Variants in RAD21 observed in about 807,000 individuals in gnomAD.
RAD21 encodes RAD21 cohesin complex component.
A neutral mutation model predicts 71.5 loss-of-function variants in RAD21; 18 were observed. That is an observed-to-expected ratio of 0.25 (90% CI 0.17 to 0.37). RAD21 has a LOEUF of 0.37. Ranked by LOEUF, RAD21 falls within the 10% of genes least tolerant of loss-of-function variation. The pLI is 1.00. For missense variants in RAD21, 493 were observed against 769.1 expected (o/e 0.64, Z 4.25); for synonymous variants, 248 against 254.0 (o/e 0.98, Z 0.22).
chr8:116,852,481 T>C (rs1298298658), intron 10 of RAD21, 68 bp downstream of exon 10: 1 of 1,446,340 alleles, frequency 6.9e-7, no homozygotes, highest in Non-Finnish European at 9.3e-7. Flanking sequence ...ACTCTGACAG[T>C]ATAAAGGTAA....
intron 8 of RAD21, among the ~76,000 whole-genome samples, chr8:116,855,026 A>C (rs961408195): frequency 6.6e-6 from 1 of 152,214 alleles, no homozygotes; most frequent in Non-Finnish European, 1.5e-5. Flanking sequence ...ACTTACAAGT[A>C]GGTTGTATTG....
intron 1 of RAD21, among the ~76,000 whole-genome samples, chr8:116,868,040 T>G (rs1812733330): frequency 1.3e-5 from 2 of 152,164 alleles, no homozygotes; most frequent in Admixed American, 1.3e-4. Context: ...ATTTCTAATT[T>G]TGTCACTTTT....
chr8:116,872,777 AC>A (rs1812858102), intron 1 of RAD21, among the ~76,000 whole-genome samples: 3 of 152,210 alleles, frequency 2.0e-5, no homozygotes, highest in Admixed American at 2.0e-4. Context: ...TCAGATCAGA[AC>A]GGAGCTACCT....
intron 2 of RAD21, among the ~76,000 whole-genome samples, chr8:116,865,933 A>G (rs560120997): frequency 2.0e-5 from 3 of 152,330 alleles, no homozygotes; most frequent in Non-Finnish European, 2.9e-5. Flanking sequence ...CGATAAACTT[A>G]TATTAACACA....
chr8:116,853,325 CGCCTCA>C (rs1812395877), intron 9 of RAD21, among the ~76,000 whole-genome samples: 1 of 152,130 alleles, frequency 6.6e-6, no homozygotes, highest in Admixed American at 6.5e-5. Context: ...GTGATCCACT[CGCCTCA>C]GCCTCCCAAA....
chr8:116,873,625 GC>G (rs1414522642), intron 1 of RAD21, among the ~76,000 whole-genome samples: 1 of 145,388 alleles, frequency 6.9e-6, no homozygotes, highest in Non-Finnish European at 1.5e-5. Flanking sequence ...GAAACTCTTC[GC>G]ACAAACGCTG....
intron 1 of RAD21, among the ~76,000 whole-genome samples, chr8:116,870,063 C>T (rs1462798045): frequency 6.6e-6 from 1 of 152,164 alleles, no homozygotes; most frequent in Non-Finnish European, 1.5e-5. Flanking sequence ...TGCTTTATCT[C>T]CATTTCCATC....
Position 116,852,556 on chromosome 8 carries a change from A to T in RAD21, c.1314T>A (p.Asp438Glu). The T allele has an allele frequency of 6.2e-7, 1 of 1,611,586 alleles. No individual in the cohort carries two copies. The highest frequency in any genetic ancestry group is 8.5e-7 in the Non-Finnish European group (1 of 1,178,966). The change falls in exon 10 of 14, where the codon GAT becomes GAA. Residue 438 changes from aspartate to glutamate, a missense_variant. Physicochemically the swap from Asp to Glu is conservative, Grantham distance 45 (BLOSUM62 2). Around this residue, in one of 5 missense-constraint regions of RAD21, gnomAD observed 225 missense variants for 218.3 expected, o/e 1.03. Transcript: ENST00000297338. ...EDQQQQHQQRDVIDEPIIEEP... is the reference protein window; with the variant it reads ...EDQQQQHQQREVIDEPIIEEP... ...TATTCCAACAGAACAAACCGATAAC[A>T]TCACGCTGCTGATGCTGCTGTTGCT...
intron 4 of RAD21, among the ~76,000 whole-genome samples, chr8:116,859,059 T>G (rs566361640): frequency 6.9e-6 from 1 of 144,188 alleles, no homozygotes; most frequent in East Asian, 2.0e-4. Flanking sequence ...ATCAACCAGA[T>G]GCAGTTTGTA....
chr8:116,856,056 G>A, intron 8 of RAD21, 110 bp downstream of exon 8: 1 of 1,306,110 alleles, frequency 7.7e-7, no homozygotes, highest in South Asian at 1.6e-5. Flanking sequence ...ACAGAAAAAA[G>A]CAAGAAGCCT....
intron 7 of RAD21, 42 bp downstream of exon 7, chr8:116,856,604 C>A: frequency 6.5e-7 from 1 of 1,530,890 alleles, no homozygotes; most frequent in Non-Finnish European, 8.8e-7. Flanking sequence ...TTTCTGGATG[C>A]CATACAATCA....
chr8:116,852,781 T>A (rs561481886), intron 9 of RAD21, 73 bp from the exon 10 acceptor site: 1 of 1,129,414 alleles, frequency 8.9e-7, no homozygotes, highest in South Asian at 2.5e-5. Flanking sequence ...CTGATTTCTA[T>A]CTTCCAAAGG....
In RAD21 at chr8:116,852,440, TTGAGTA is replaced by T. The variant is rs561666681; in HGVS notation, c.1321+103_1321+108del. ...CCAATGCATTTCCCTGCCCAAACAT[TTGAGTA>T]TATCTTTGATTCCTCATTTCTTTCA... On this transcript the variant is annotated intron_variant, in intron 10 of 13. Transcript: ENST00000297338. 3,940 of 1,206,732 alleles carry T rather than the reference TTGAGTA, an allele frequency of 3.3e-3. 11 individuals carry two copies. Among genetic ancestry groups the T allele is most frequent in the Non-Finnish European group, 3.9e-3 (3,362 of 869,118 alleles). The allele number at this position is 1,206,732 out of a possible 1,614,324, so 74.8% of individuals were successfully genotyped here. A position where few individuals can be genotyped will look rare whatever the true frequency, so the allele number is the denominator to read the frequency against.
rs1177267849 is a variant in RAD21, at chr8:116,856,618, C to T, written c.814+28G>A. 3.8e-6 allele frequency: 6 copies of T among 1,559,068 alleles called. No individual in the cohort carries two copies. In the African/African-American group the frequency reaches 8.3e-5, roughly 22 times the overall value. On this transcript the variant is annotated intron_variant, in intron 7 of 13. Transcript: ENST00000297338. Reference sequence around the variant, plus strand: ...CTTTCTGGATGCCATACAATCATCCCCAGAATCACTGAACATGAAATGCTT... The same window carrying T: ...CTTTCTGGATGCCATACAATCATCCTCAGAATCACTGAACATGAAATGCTT...
At chr8:116,867,789 CT>C (rs1422775569) in intron 1 of RAD21, among the ~76,000 whole-genome samples, 3 of 152,114 alleles carry the variant, frequency 2.0e-5, no homozygotes, top group Non-Finnish European at 4.4e-5. Flanking sequence ...GTCCCATGTA[CT>C]TTTTTAAACC....
At chr8:116,870,062 T>A (rs905611095) in intron 1 of RAD21, among the ~76,000 whole-genome samples, 30 of 152,210 alleles carry the variant, frequency 2.0e-4, no homozygotes, top group African/African-American at 6.8e-4. Context: ...TTGCTTTATC[T>A]CCATTTCCAT....
chr8:116,859,619 A>C lies in RAD21; in HGVS notation c.375-1161T>G, dbSNP rs17435881. On this transcript the variant is annotated intron_variant, in intron 4 of 13. Coordinates refer to ENST00000297338, the MANE Select transcript of RAD21 (RefSeq NM_006265.3). The stretch of plus-strand genomic sequence containing the variant: ...CCAAATAATATGGGCAAACTTAATC[A>C]AGAAATGTTCTGTGTGTTCTGACTG... Among the ~76,000 whole-genome samples, 11 of 152,188 alleles carry C rather than the reference A, an allele frequency of 7.2e-5. No homozygotes were observed. In the East Asian group the frequency reaches 1.9e-3, roughly 27 times the overall value.
intron 4 of RAD21, among the ~76,000 whole-genome samples, chr8:116,858,830 C>T (rs543340554): frequency 6.6e-6 from 1 of 152,020 alleles, no homozygotes; most frequent in Non-Finnish European, 1.5e-5. Context: ...GACTCAGTTT[C>T]TTTCTCTAAT....
rs1812375960 is a variant in RAD21 at position 116,852,641 on chromosome 8, G to A, written c.1229C>T (p.Ala410Val). 5 of 1,612,538 alleles carry A rather than the reference G, an allele frequency of 3.1e-6. No individual in the cohort carries two copies. Among genetic ancestry groups the A allele is most frequent in the Non-Finnish European group, 4.2e-6 (5 of 1,179,378 alleles). ...DLRKRRKGGE[A>V]DNLDEFLKEF... Reference sequence around the variant, plus strand: ...TTTGAGGAATTCATCCAAATTATCTGCCTCTCCTCCTTTCCTCCTTTTTCT... The same window carrying A: ...TTTGAGGAATTCATCCAAATTATCTACCTCTCCTCCTTTCCTCCTTTTTCT... Residue 410 changes from alanine to valine, a missense_variant, in exon 10 of 14, where the codon GCA becomes GTA. Around this residue, in one of 5 missense-constraint regions of RAD21, gnomAD observed 225 missense variants for 218.3 expected, o/e 1.03. Transcript: ENST00000297338.
Sources: gnomAD v4.1 joint callset for allele counts (sites outside exome capture counted in the v4.1 genomes callset) on GRCh38, gnomAD v4.1.1 for gene constraint, gnomAD v4.1.1 regional missense constraint, MANE v1.5 for transcripts, NCBI Gene and HGNC (gene_info 2026-07-23, HGNC 2026-07-21) for gene names.